KAT6B: variants seen among roughly 807,000 people sequenced by gnomAD.
The protein encoded by KAT6B is histone acetyltransferase KAT6B.
In KAT6B, 10 loss-of-function variants were observed where a neutral mutation model predicts 187.5. The ratio of observed to expected loss-of-function variants is 0.05; its 90% CI spans 0.03 to 0.09. The LOEUF (loss-of-function observed/expected upper bound fraction) is 0.09, where lower values mean the gene tolerates loss of function less well. Ranked by LOEUF, KAT6B falls within the 10% of genes least tolerant of loss-of-function variation. The pLI is 1.00. For synonymous variants in KAT6B, 861 were observed against 926.8 expected (o/e 0.93, Z 1.29); for missense variants, 1,952 against 2,558.9 (o/e 0.76, Z 5.12).
intron 3 of KAT6B, among the ~76,000 whole-genome samples, chr10:74,880,907 T>C (rs1564539417): frequency 1.3e-5 from 2 of 150,932 alleles, no homozygotes. Flanking sequence ...TGAGCCACTG[T>C]TCCTGGCCTT....
chr10:74,955,858 CG>C (rs1384440705), intron 3 of KAT6B, among the ~76,000 whole-genome samples: 1 of 152,104 alleles, frequency 6.6e-6, no homozygotes, highest in African/African-American at 2.4e-5. Context: ...AATCCAACCA[CG>C]GATCACAGAT....
chr10:74,992,166 GA>G (rs1843159035), intron 13 of KAT6B, among the ~76,000 whole-genome samples: 1 of 152,148 alleles, frequency 6.6e-6, no homozygotes, highest in Non-Finnish European at 1.5e-5. Context: ...TAAGTCAAAT[GA>G]GGTTGTAAAT....
At chr10:75,009,292 G>C (rs1379835337) in intron 13 of KAT6B, among the ~76,000 whole-genome samples, 1 of 152,132 alleles carries the variant, frequency 6.6e-6, no homozygotes, top group African/African-American at 2.4e-5. Flanking sequence ...TAAACTCCCA[G>C]AGCTTTTTTT....
At chr10:74,998,730 G>A (rs538767138) in intron 13 of KAT6B, among the ~76,000 whole-genome samples, 1 of 152,134 alleles carries the variant, frequency 6.6e-6, no homozygotes, top group African/African-American at 2.4e-5. Context: ...GCCAGCCTGG[G>A]CAACATAGTA....
At chr10:74,973,486 C>A (rs1841971831) in intron 7 of KAT6B, among the ~76,000 whole-genome samples, 1 of 152,260 alleles carries the variant, frequency 6.6e-6, no homozygotes, top group South Asian at 2.1e-4. Context: ...GTGAAAGGGT[C>A]ATTGTGATGG....
chr10:74,843,204 A>C lies in KAT6B; in HGVS notation c.347A>C (p.Glu116Ala). 1.2e-6 allele frequency: 2 copies of C among 1,614,242 alleles called. No individual in the cohort carries two copies. The highest frequency in any genetic ancestry group is 1.7e-6 in the Non-Finnish European group (2 of 1,180,036). Residue 116 changes from glutamate to alanine, a missense_variant, in exon 3 of 18, where the codon GAA becomes GCA. Glu to Ala is a moderately radical substitution (Grantham distance 107). Transcript: ENST00000287239. ...AATAAACTTTTAAGGAGAGCAATTG[A>C]AGGACTTGAGGAGCCGAATGGCTCC... ...DWNKLLRRAI[E>A]GLEEPNGSSL...
intron 4 of KAT6B, among the ~76,000 whole-genome samples, chr10:74,962,343 A>G (rs1841158075): frequency 6.6e-6 from 1 of 152,234 alleles, no homozygotes; most frequent in Non-Finnish European, 1.5e-5. Context: ...AAAGAAAACA[A>G]TAGGCCAGCA....
chr10:74,879,529 C>G (rs1271608657), intron 3 of KAT6B, among the ~76,000 whole-genome samples: 2 of 152,136 alleles, frequency 1.3e-5, no homozygotes, highest in African/African-American at 4.8e-5. Context: ...GCTTGGTGCT[C>G]GTGAGATTTT....
At chr10:74,848,503 T>TCAACAACAACAACAAGAA (rs1422637422) in intron 3 of KAT6B, among the ~76,000 whole-genome samples, 9 of 151,868 alleles carry the variant, frequency 5.9e-5, no homozygotes, top group African/African-American at 1.9e-4. Context: ...ACACTTCGTT[T>TCAACAACAACAACAAGAA]CAACAACAAC....
intron 11 of KAT6B, chr10:74,982,843 T>C (rs898095065): frequency 2.0e-5 from 3 of 152,294 alleles, no homozygotes; most frequent in Non-Finnish European, 2.9e-5. Context: ...ATAGTTTCAC[T>C]TCTGGATTTT....
intron 3 of KAT6B, among the ~76,000 whole-genome samples, chr10:74,853,109 C>CTTTTTTTTTTTTTTTTTTTTTTT (rs1233676750): frequency 8.8e-6 from 1 of 113,744 alleles, no homozygotes; most frequent in African/African-American, 4.0e-5. Context: ...TTTCTTTCAT[C>CTTTTTTTTTTTTTTTTTTTTTTT]TTTTTTTTTT....
intron 13 of KAT6B, among the ~76,000 whole-genome samples, chr10:74,997,551 C>T (rs1192991167): frequency 2.0e-5 from 3 of 152,000 alleles, no homozygotes; most frequent in Non-Finnish European, 2.9e-5. Context: ...CACTCCACTC[C>T]GAAGTCTCTT....
chr10:74,900,512 C>T (rs1374696654), intron 3 of KAT6B, among the ~76,000 whole-genome samples: 1 of 152,176 alleles, frequency 6.6e-6, no homozygotes, highest in East Asian at 1.9e-4. Flanking sequence ...GTGGGCAACC[C>T]CAAAGACTTT....
At chr10:74,830,098 G>C (rs1840635548) in intron 1 of KAT6B, among the ~76,000 whole-genome samples, 1 of 151,996 alleles carries the variant, frequency 6.6e-6, no homozygotes, top group Admixed American at 6.6e-5. Flanking sequence ...CTTTGTTGCA[G>C]AATGGTAAAT....
Position 74,976,142 on chromosome 10 carries a change from C to G in KAT6B, c.1805C>G (p.Ser602Cys). The G allele has an allele frequency of 6.2e-7, 1 of 1,614,190 alleles. No homozygotes were observed. Among genetic ancestry groups the G allele is most frequent in the Non-Finnish European group, 8.5e-7 (1 of 1,180,024 alleles). ...DIRSRFISHS[S>C]SSSWGMARGS... ...AGAAGTCGGTTTATTTCTCACTCCT[C>G]CTCCTCTAGCTGGGGGATGGCTAGA... Residue 602 changes from serine to cysteine, a missense_variant, in exon 8 of 18, where the codon TCC becomes TGC. Ser to Cys is a moderately radical substitution (Grantham distance 112). This residue lies in a region of KAT6B where 417 missense variants were observed against 508.9 expected (regional missense o/e 0.82). Coordinates refer to ENST00000287239, the MANE Select transcript of KAT6B (RefSeq NM_012330.4).
chr10:75,000,212 A>G (rs1843735148), intron 13 of KAT6B, among the ~76,000 whole-genome samples: 1 of 151,946 alleles, frequency 6.6e-6, no homozygotes, highest in Non-Finnish European at 1.5e-5. Flanking sequence ...AAACAAAACA[A>G]AACAAAAGCT....
intron 3 of KAT6B, among the ~76,000 whole-genome samples, chr10:74,925,285 G>A (rs969108480): frequency 1.3e-5 from 2 of 151,958 alleles, no homozygotes; most frequent in African/African-American, 2.4e-5. Flanking sequence ...CACGTGATCC[G>A]CCCACCTCAG....
intron 3 of KAT6B, among the ~76,000 whole-genome samples, chr10:74,851,199 T>C (rs1282861811): frequency 1.4e-5 from 2 of 144,044 alleles, no homozygotes; most frequent in Admixed American, 7.0e-5. Flanking sequence ...CTGCCGCCTC[T>C]CGGGTTCAAG....
chr10:74,878,480 T>C (rs4746245), intron 3 of KAT6B, among the ~76,000 whole-genome samples: 45,345 of 151,588 alleles, frequency 0.3, 12,245 homozygotes, highest in African/African-American at 0.71. Flanking sequence ...ATTAGCCGGG[T>C]ATGGTAGCAT....
Sources: allele counts gnomAD v4.1 joint callset (sites outside exome capture counted in the v4.1 genomes callset), GRCh38; gene constraint gnomAD v4.1.1; regional missense constraint gnomAD v4.1.1; transcripts MANE v1.5; gene names NCBI Gene and HGNC (gene_info 2026-07-23, HGNC 2026-07-21).